KIAA0319: variants seen among roughly 807,000 people sequenced by gnomAD.
The protein encoded by KIAA0319 is KIAA0319.
A neutral mutation model predicts 108.4 loss-of-function variants in KIAA0319; 83 were observed. The observed-to-expected ratio is 0.77, with a 90% CI of 0.64 to 0.92. The LOEUF (loss-of-function observed/expected upper bound fraction) is 0.92, where lower values mean the gene tolerates loss of function less well. KIAA0319 is among the 40% of genes least tolerant of loss of function. The pLI is 0.00. For synonymous variants in KIAA0319, 484 were observed against 510.4 expected (o/e 0.95, Z 0.70); for missense variants, 1,195 against 1,322.4 (o/e 0.90, Z 1.49).
chr6:24,618,806 G>GA (rs910214224), intron 1 of KIAA0319, among the ~76,000 whole-genome samples: 25 of 149,554 alleles, frequency 1.7e-4, no homozygotes, highest in African/African-American at 5.1e-4. Flanking sequence ...AAGACTAAAA[G>GA]AAAAAAAAAG....
intron 10 of KIAA0319, among the ~76,000 whole-genome samples, chr6:24,575,482 A>G (rs1172424170): frequency 6.6e-6 from 1 of 152,220 alleles, no homozygotes; most frequent in Non-Finnish European, 1.5e-5. Context: ...CACTTGCTAC[A>G]ACCCTTAGGT....
chr6:24,554,532 T>C lies in KIAA0319; in HGVS notation c.2948+9A>G, dbSNP rs865859812. 2 of 1,604,728 alleles carry C rather than the reference T, an allele frequency of 1.2e-6. No individual in the cohort carries two copies. Among genetic ancestry groups the C allele is most frequent in the Non-Finnish European group, 8.5e-7 (1 of 1,171,780 alleles). On this transcript the variant is annotated intron_variant, in intron 19 of 20. Transcript: ENST00000378214. ...GTCTCTATTTCCCAGGAATAAGCACTCTAGGTACCTTTTGCAGCAGCAGAT... is the reference window on the plus strand; with the variant it reads ...GTCTCTATTTCCCAGGAATAAGCACCCTAGGTACCTTTTGCAGCAGCAGAT...
intron 1 of KIAA0319, among the ~76,000 whole-genome samples, chr6:24,634,614 A>T (rs1775973353): frequency 6.6e-6 from 1 of 152,254 alleles, no homozygotes; most frequent in African/African-American, 2.4e-5. Flanking sequence ...CCATGATTAC[A>T]TTATAGTAGA....
chr6:24,552,980 CTCTCT>C lies in KIAA0319; in HGVS notation c.2949-1460_2949-1456del, dbSNP rs142531788. Reference sequence around the variant, plus strand: ...TTCACATGAAAGAGTGGACCTGATGCTCTCTTCTAAGGACAGAGGGTTGAGCATGG... The same window carrying C: ...TTCACATGAAAGAGTGGACCTGATGCTCTAAGGACAGAGGGTTGAGCATGG... On this transcript the variant is annotated intron_variant, in intron 19 of 20. Transcript: ENST00000378214. 2.8e-3 allele frequency among the ~76,000 whole-genome samples: 422 copies of C among 152,070 alleles called. 3 individuals are homozygous for C. Among genetic ancestry groups the C allele is most frequent in the African/African-American group, 9.8e-3 (404 of 41,424 alleles).
rs9467237 is a variant in KIAA0319 at position 24,590,561 on chromosome 6, T to C, written c.802-1776A>G. Among the ~76,000 whole-genome samples the C allele has an allele frequency of 6.2e-3, 937 of 152,268 alleles. 8 individuals are homozygous for C. Among genetic ancestry groups the C allele is most frequent in the Middle Eastern group, 0.024 (7 of 294 alleles). On this transcript the variant is annotated intron_variant, in intron 3 of 20. Coordinates refer to ENST00000378214, the MANE Select transcript of KIAA0319 (RefSeq NM_014809.4). ...CTGCAGAATAGGTGTCCATAACATT[T>C]TATACTGGGGCCTCTGCAAATCCCA...
chr6:24,566,455 C>T, intron 14 of KIAA0319, 142 bp downstream of exon 14: 1 of 656,474 alleles, frequency 1.5e-6, no homozygotes, highest in Non-Finnish European at 2.2e-6. Flanking sequence ...ATAATGGAGA[C>T]AAAATTAAGT....
At chr6:24,592,559 T>C (rs1412309729) in intron 3 of KIAA0319, among the ~76,000 whole-genome samples, 7 of 152,198 alleles carry the variant, frequency 4.6e-5, no homozygotes, top group African/African-American at 7.2e-5. Context: ...CATCAGTGTA[T>C]TGGGCTTGAG....
intron 3 of KIAA0319, among the ~76,000 whole-genome samples, chr6:24,593,960 G>C (rs1226712286): frequency 6.6e-6 from 1 of 151,008 alleles, no homozygotes; most frequent in African/African-American, 2.4e-5. Context: ...CAGCACTTTG[G>C]GAGGCCGAGG....
chr6:24,618,058 G>A (rs1043254061), intron 1 of KIAA0319, among the ~76,000 whole-genome samples: 1 of 151,826 alleles, frequency 6.6e-6, no homozygotes, highest in African/African-American at 2.4e-5. Context: ...GGGTAGACCA[G>A]AAAAAAAATT....
Position 24,545,640 on chromosome 6 carries a change from C to A in KIAA0319, c.*1525G>T, listed in dbSNP as rs1330882075. The A allele has an allele frequency of 3.9e-5, 6 of 152,162 alleles. No homozygotes were observed. Among genetic ancestry groups the A allele is most frequent in the African/African-American group, 1.4e-4 (6 of 41,436 alleles). The allele number at this position is 152,162 out of a possible 1,614,324, so 9.4% of individuals were successfully genotyped here. On this transcript the variant is annotated 3_prime_UTR_variant, in exon 21 of 21. Transcript: ENST00000378214. ...ATTATTTTAAAAATAAAATGACACA[C>A]TTTTTAGTTCTGCCTTTCCCCAGTA...
chr6:24,579,176 C>G (rs1765975417), intron 8 of KIAA0319, among the ~76,000 whole-genome samples: 1 of 151,998 alleles, frequency 6.6e-6, no homozygotes, highest in African/African-American at 2.4e-5. Context: ...AAGGTTGAAC[C>G]TAGTCAACCA....
At position 24,634,035 on chromosome 6, in the gene KIAA0319, T is replaced by A. The variant is rs115457983; in HGVS notation, c.-106+11701A>T. On this transcript the variant is annotated intron_variant, in intron 1 of 20. Coordinates refer to ENST00000378214, the MANE Select transcript of KIAA0319 (RefSeq NM_014809.4). ...AGGAACAAAATTATTTTGGATCAATTAAGGAATTAGATATTATCAAAGGCA... is the reference window on the plus strand; with the variant it reads ...AGGAACAAAATTATTTTGGATCAATAAAGGAATTAGATATTATCAAAGGCA... Among the ~76,000 whole-genome samples, 1,384 of 152,248 alleles carry A rather than the reference T, an allele frequency of 9.1e-3. 5 individuals carry two copies. The highest frequency in any genetic ancestry group is 0.015 in the Admixed American group (227 of 15,306).
intron 20 of KIAA0319, among the ~76,000 whole-genome samples, chr6:24,550,536 G>A (rs994498657): frequency 1.3e-5 from 2 of 152,244 alleles, no homozygotes; most frequent in Non-Finnish European, 2.9e-5. Flanking sequence ...GTGGGCAACA[G>A]GTGCTCCTAA....
rs1764417745 is a variant in KIAA0319, at chr6:24,569,763, C to T, written c.1991+140G>A. The T allele has an allele frequency of 3.1e-6, 3 of 965,174 alleles. No individual in the cohort carries two copies. In the East Asian group the frequency reaches 7.6e-5, roughly 25 times the overall value. 59.8% of individuals were successfully genotyped at this position (965,174 alleles called of 1,614,324 possible). A position where few individuals can be genotyped will look rare whatever the true frequency, so the allele number is the denominator to read the frequency against. On this transcript the variant is annotated intron_variant, in intron 12 of 20. Transcript: ENST00000378214. ...TTAATGTACTCTTCAATCAATAACG[C>T]CCAGCCACTTCTAGAAACGTGCTTA... is the stretch of plus-strand genomic sequence containing the variant.
chr6:24,565,635 C>A (rs902414227), intron 14 of KIAA0319, among the ~76,000 whole-genome samples: 4 of 151,898 alleles, frequency 2.6e-5, no homozygotes, highest in Non-Finnish European at 5.9e-5. Flanking sequence ...TGCCTGTAGT[C>A]CCAGCTACGC....
intron 18 of KIAA0319, 100 bp downstream of exon 18, chr6:24,556,507 T>C: frequency 7.5e-7 from 1 of 1,330,596 alleles, no homozygotes; most frequent in South Asian, 1.4e-5. Context: ...CTCACTATGT[T>C]GCCCAGGTTG....
intron 5 of KIAA0319, chr6:24,582,923 C>T (rs1766838660): frequency 1.8e-5 from 4 of 219,890 alleles, no homozygotes; most frequent in Non-Finnish European, 3.1e-5. Context: ...AGGTACCTCA[C>T]CTCAAAGGAT....
intron 1 of KIAA0319, among the ~76,000 whole-genome samples, chr6:24,627,196 T>C (rs1463146936): frequency 6.6e-6 from 1 of 152,244 alleles, no homozygotes; most frequent in Non-Finnish European, 1.5e-5. Flanking sequence ...ATGGCTGTTG[T>C]TCCCATGTTG....
At chr6:24,552,487 C>T (rs527605687) in intron 19 of KIAA0319, among the ~76,000 whole-genome samples, 8 of 152,328 alleles carry the variant, frequency 5.3e-5, no homozygotes, top group African/African-American at 1.2e-4. Context: ...GAAAACTTAA[C>T]GGGATTTAGG....
Sources: allele counts gnomAD v4.1 joint callset (sites outside exome capture counted in the v4.1 genomes callset), GRCh38; gene constraint gnomAD v4.1.1; transcripts MANE v1.5; gene names NCBI Gene and HGNC (gene_info 2026-07-23, HGNC 2026-07-21).